The following DNAH5 variants were observed in gnomAD, a reference collection of about 807,000 sequenced individuals.
DNAH5 encodes dynein axonemal heavy chain 5.
DNAH5 carries 372 observed loss-of-function variants against 518.2 expected under a neutral mutation model. The observed-to-expected ratio is 0.72, with a 90% CI of 0.66 to 0.78. The LOEUF (loss-of-function observed/expected upper bound fraction) is 0.78. Among genes scored for constraint, DNAH5 ranks in the 30% least tolerant of loss-of-function variants. DNAH5 has a pLI of 0.00. For missense variants in DNAH5, 5,523 were observed against 5,687.0 expected (o/e 0.97, Z 0.93); for synonymous variants, 2,039 against 2,025.9 (o/e 1.01, Z -0.17).
intron 58 of DNAH5, among the ~76,000 whole-genome samples, chr5:13,768,312 C>A (rs893708103): frequency 6.6e-6 from 1 of 152,108 alleles, no homozygotes. Context: ...ATCTCTCTCC[C>A]GCCATCTTGT....
rs148841958 is a variant in DNAH5, at chr5:13,891,353, C to T, written c.2432-232G>A. Among the ~76,000 whole-genome samples the T allele has an allele frequency of 5.1e-3, 777 of 152,232 alleles. 2 individuals carry two copies. Among genetic ancestry groups the T allele is most frequent in the Non-Finnish European group, 7.7e-3 (527 of 68,018 alleles). Reference sequence around the variant, plus strand: ...GAGAATGGAAAATCTATCTTGGTAGCCCCTTCTAATTTGATTATGATCATT... The same window carrying T: ...GAGAATGGAAAATCTATCTTGGTAGTCCCTTCTAATTTGATTATGATCATT... On this transcript the variant is annotated intron_variant, in intron 16 of 78. Coordinates refer to ENST00000265104, the MANE Select transcript of DNAH5 (RefSeq NM_001369.3).
chr5:13,930,784 C>T lies in DNAH5; in HGVS notation c.192+326G>A, dbSNP rs545782125. Among the ~76,000 whole-genome samples the T allele has an allele frequency of 2.3e-4, 35 of 152,302 alleles. No homozygotes were observed. In the South Asian group the frequency reaches 6.0e-3, roughly 26 times the overall value. ...CAGGGGAAATGCACAAAAGACGAATCGGCAACTTGAAACGAGATTCTGTTC... is the reference window on the plus strand; with the variant it reads ...CAGGGGAAATGCACAAAAGACGAATTGGCAACTTGAAACGAGATTCTGTTC... On this transcript the variant is annotated intron_variant, in intron 2 of 78. Transcript: ENST00000265104.
intron 28 of DNAH5, among the ~76,000 whole-genome samples, chr5:13,863,636 A>C (rs1768798874): frequency 6.6e-6 from 1 of 151,906 alleles, no homozygotes; most frequent in Non-Finnish European, 1.5e-5. Context: ...CCTCTCATCT[A>C]ACAAGCCATC....
At chr5:13,813,724 A>G (rs764236331) in intron 43 of DNAH5, among the ~76,000 whole-genome samples, 6 of 152,180 alleles carry the variant, frequency 3.9e-5, no homozygotes, top group Non-Finnish European at 5.9e-5. Context: ...TCCCATCTTC[A>G]TACCAAATCT....
chr5:13,744,807 GGCA>G (rs983851485), intron 65 of DNAH5, among the ~76,000 whole-genome samples: 1 of 151,900 alleles, frequency 6.6e-6, no homozygotes, highest in Non-Finnish European at 1.5e-5. Context: ...AAAGACAAAC[GGCA>G]GCCAGAGTTC....
chr5:13,847,762 T>C (rs1451738356), intron 31 of DNAH5, among the ~76,000 whole-genome samples: 1 of 149,132 alleles, frequency 6.7e-6, no homozygotes, highest in African/African-American at 2.5e-5. Flanking sequence ...AAAGGGGGGA[T>C]TTCGCATGTG....
intron 47 of DNAH5, among the ~76,000 whole-genome samples, chr5:13,799,541 C>T (rs1209367503): frequency 6.6e-6 from 1 of 152,088 alleles, no homozygotes; most frequent in Non-Finnish European, 1.5e-5. Context: ...TTGACAAAAG[C>T]ACAACAAAAT....
chr5:13,914,670 A>T, intron 9 of DNAH5, 28 bp from the exon 10 acceptor site: 1 of 1,610,000 alleles, frequency 6.2e-7, no homozygotes, highest in Non-Finnish European at 8.5e-7. Flanking sequence ...AATGATGTTA[A>T]GCACATAAAA....
chr5:13,911,744 TA>T (rs1466974799), intron 11 of DNAH5, among the ~76,000 whole-genome samples: 1 of 152,112 alleles, frequency 6.6e-6, no homozygotes, highest in African/African-American at 2.4e-5. Context: ...AAAAATGAAA[TA>T]AAAACCACAC....
At chr5:13,955,246 C>T (rs1780682525) in intron 1 of DNAH5, among the ~76,000 whole-genome samples, 1 of 152,178 alleles carries the variant, frequency 6.6e-6, no homozygotes, top group Non-Finnish European at 1.5e-5. Flanking sequence ...GTGAGATGTG[C>T]TTGCTTCCTC....
intron 35 of DNAH5, among the ~76,000 whole-genome samples, chr5:13,835,584 T>C (rs1764274060): frequency 6.6e-6 from 1 of 152,112 alleles, no homozygotes; most frequent in Non-Finnish European, 1.5e-5. Flanking sequence ...TGCATTTACA[T>C]ATTAAAAGGC....
chr5:13,873,565 C>T lies in DNAH5; in HGVS notation c.3397-1800G>A, dbSNP rs564332575. Among the ~76,000 whole-genome samples, 190 of 152,184 alleles carry T rather than the reference C, an allele frequency of 1.2e-3. 1 individual carries two copies. Among genetic ancestry groups the T allele is most frequent in the African/African-American group, 4.5e-3 (185 of 41,538 alleles). ...GACTAACTTAACTCTTGTTGGGCCA[C>T]AATTTCTTTTTTAGATTAGCCTCTT... On this transcript the variant is annotated intron_variant, in intron 22 of 78. Transcript: ENST00000265104.
Position 13,913,903 on chromosome 5 carries a change from G to A in DNAH5, c.1376C>T (p.Ala459Val). The A allele has an allele frequency of 1.9e-6, 3 of 1,613,448 alleles. No individual in the cohort carries two copies. Among genetic ancestry groups the A allele is most frequent in the Non-Finnish European group, 2.5e-6 (3 of 1,179,510 alleles). Residue 459 changes from alanine to valine, a missense_variant, in exon 11 of 79, where the codon GCA becomes GTA. By Grantham distance (64) the Ala-to-Val change is moderately conservative. Transcript: ENST00000265104. The stretch of plus-strand genomic sequence containing the variant: ...CATCTCGCTAAAATCAAATTGTTTT[G>A]CATTTGGATTTTGTTTAAGCTTTTG... ...TKQKLKQNPNAKQFDFSEMYI... is the reference protein window; with the variant it reads ...TKQKLKQNPNVKQFDFSEMYI...
At chr5:13,747,337 C>T (rs1052342289) in intron 65 of DNAH5, among the ~76,000 whole-genome samples, 87 of 152,102 alleles carry the variant, frequency 5.7e-4, no homozygotes, top group African/African-American at 1.9e-3. Context: ...TGAATAGTGC[C>T]GCAATAAACA....
intron 1 of DNAH5, among the ~76,000 whole-genome samples, chr5:13,969,452 A>G (rs1295305442): frequency 6.6e-6 from 1 of 152,110 alleles, no homozygotes; most frequent in East Asian, 1.9e-4. Flanking sequence ...GTGGGCATTC[A>G]ATGCTAGGAA....
chr5:13,933,259 G>A (rs1778593622), intron 1 of DNAH5, among the ~76,000 whole-genome samples: 1 of 152,220 alleles, frequency 6.6e-6, no homozygotes. Flanking sequence ...TGTGGTACCT[G>A]TTGGAGTTGT....
chr5:13,694,335 G>A (rs1249703618), intron 78 of DNAH5, among the ~76,000 whole-genome samples: 3 of 152,174 alleles, frequency 2.0e-5, no homozygotes, highest in East Asian at 1.9e-4. Flanking sequence ...AAATTTCTGC[G>A]GCAGGATTAG....
chr5:13,724,675 T>C (rs1484212168), intron 70 of DNAH5, among the ~76,000 whole-genome samples: 8 of 152,192 alleles, frequency 5.3e-5, no homozygotes, highest in Non-Finnish European at 2.9e-5. Flanking sequence ...GTTTGGGTCA[T>C]AGAGGTGAGT....
At chr5:13,926,752 A>T (rs933737980) in intron 3 of DNAH5, among the ~76,000 whole-genome samples, 7 of 152,228 alleles carry the variant, frequency 4.6e-5, no homozygotes, top group Non-Finnish European at 8.8e-5. Context: ...TTTACATCCT[A>T]CGAACACTTC....
Sources: gnomAD v4.1 joint callset for allele counts (sites outside exome capture counted in the v4.1 genomes callset) on GRCh38, gnomAD v4.1.1 for gene constraint, MANE v1.5 for transcripts, NCBI Gene and HGNC (gene_info 2026-07-23, HGNC 2026-07-21) for gene names.